The following NDST4 variants were observed in gnomAD, a reference collection of about 807,000 sequenced individuals.
NDST4 encodes the protein N-deacetylase and N-sulfotransferase 4.
NDST4 carries 63 observed loss-of-function variants against 100.8 expected under a neutral mutation model. That is an observed-to-expected ratio of 0.62 (90% CI 0.51 to 0.77). The LOEUF is 0.77. Ranked by LOEUF, NDST4 falls within the 30% of genes least tolerant of loss-of-function variation. The probability of loss-of-function intolerance (pLI) is 0.00; values close to 1 mark genes in which losing one functional copy is unlikely to be tolerated. For synonymous variants in NDST4, 377 were observed against 361.8 expected (o/e 1.04, Z -0.48); for missense variants, 943 against 1,018.4 (o/e 0.93, Z 1.01).
intron 6 of NDST4, among the ~76,000 whole-genome samples, chr4:114,882,802 T>C (rs1360894926): frequency 6.6e-6 from 1 of 151,206 alleles, no homozygotes; most frequent in African/African-American, 2.4e-5. Context: ...CAAACAAACA[T>C]ACAGAAACAA....
In NDST4 at chr4:114,845,885, G is replaced by C; in HGVS notation, c.2053C>G (p.Pro685Ala). Reference protein sequence around the residue: ...EAPRRAASLVPKAKIITILID... With the variant: ...EAPRRAASLVAKAKIITILID... ...AGGATGGTGATGATCTTGGCTTTGG[G>C]GACAAGAGATGCGGCTCGTCTTGGA... The change falls in exon 10 of 14, where the codon CCC becomes GCC. Residue 685 changes from proline (P) to alanine (A), a missense_variant. Physicochemically the swap from Pro to Ala is conservative, Grantham distance 27. Transcript: ENST00000264363. 6.2e-7 allele frequency: 1 copy of C among 1,614,018 alleles called. No homozygotes were observed. The highest frequency in any genetic ancestry group is 8.5e-7 in the Non-Finnish European group (1 of 1,179,976).
intron 7 of NDST4, among the ~76,000 whole-genome samples, chr4:114,867,185 T>C (rs1487790872): frequency 6.6e-6 from 1 of 152,174 alleles, no homozygotes; most frequent in Non-Finnish European, 1.5e-5. Context: ...CAATCTTTAA[T>C]TCTCTGTGTC....
chr4:115,107,136 G>A (rs552879610), intron 1 of NDST4, among the ~76,000 whole-genome samples: 4 of 152,130 alleles, frequency 2.6e-5, no homozygotes, highest in African/African-American at 9.6e-5. Flanking sequence ...CACCCTGGGT[G>A]CCAGACAGTG....
chr4:115,012,501 A>G (rs1727571367), intron 2 of NDST4, among the ~76,000 whole-genome samples: 1 of 152,028 alleles, frequency 6.6e-6, no homozygotes, highest in Non-Finnish European at 1.5e-5. Context: ...GAATTTACTT[A>G]CCCAAATTAA....
intron 1 of NDST4, among the ~76,000 whole-genome samples, chr4:115,097,478 G>A (rs750061455): frequency 1.9e-4 from 29 of 151,766 alleles, no homozygotes; most frequent in Admixed American, 4.6e-4. Context: ...TTTCTTTCCC[G>A]TCAGACATAC....
At chr4:114,967,944 A>G (rs1184345507) in intron 4 of NDST4, among the ~76,000 whole-genome samples, 2 of 152,172 alleles carry the variant, frequency 1.3e-5, no homozygotes, top group East Asian at 1.9e-4. Flanking sequence ...TCCATGAGGT[A>G]GTTGTTACCA....
At chr4:115,017,559 C>T (rs1470004306) in intron 2 of NDST4, among the ~76,000 whole-genome samples, 1 of 151,998 alleles carries the variant, frequency 6.6e-6, no homozygotes, top group Admixed American at 6.6e-5. Context: ...TCTTAGACAC[C>T]TTGAAGGTCA....
chr4:114,868,002 G>A (rs1724070850), intron 7 of NDST4, among the ~76,000 whole-genome samples: 1 of 152,092 alleles, frequency 6.6e-6, no homozygotes, highest in Admixed American at 6.6e-5. Context: ...CACATACATG[G>A]TAGTTGGTGC....
chr4:114,884,223 A>T (rs1213303651), intron 6 of NDST4, among the ~76,000 whole-genome samples: 1 of 152,134 alleles, frequency 6.6e-6, no homozygotes, highest in Non-Finnish European at 1.5e-5. Context: ...TATTGAACTT[A>T]AACACACTCA....
intron 1 of NDST4, among the ~76,000 whole-genome samples, chr4:115,083,633 T>TC (rs1212295934): frequency 2.6e-5 from 4 of 152,146 alleles, no homozygotes; most frequent in Non-Finnish European, 4.4e-5. Flanking sequence ...GTTCCCATAA[T>TC]CCCCATGTGT....
At chr4:115,024,111 A>G (rs1271307425) in intron 2 of NDST4, among the ~76,000 whole-genome samples, 2 of 152,172 alleles carry the variant, frequency 1.3e-5, no homozygotes, top group East Asian at 3.9e-4. Context: ...TTAGGAGCCC[A>G]GGCAGACCTC....
intron 1 of NDST4, among the ~76,000 whole-genome samples, chr4:115,095,165 C>T (rs1016661185): frequency 2.6e-5 from 4 of 151,866 alleles, no homozygotes; most frequent in African/African-American, 9.7e-5. Context: ...CAAACAGGAG[C>T]CTCACAACTT....
Position 114,935,266 on chromosome 4 carries a change from G to C in NDST4, c.1476C>G (p.Pro492=). The change falls in exon 6 of 14, where the codon CCC becomes CCG. Residue 492 remains proline (P), a synonymous_variant. Coordinates refer to ENST00000264363, the MANE Select transcript of NDST4 (RefSeq NM_022569.3). ...TIFYKEYPGG[P]QELDKSIRGG... is the part of the protein sequence containing the mutation. ...CTCTGATACTTTTATCCAGTTCTTG[G>C]GGTCCTCCTGGATATTCTTTGTAGA... 1 of 1,610,944 alleles carries C rather than the reference G, an allele frequency of 6.2e-7. No homozygotes were observed. The highest frequency in any genetic ancestry group is 8.5e-7 in the Non-Finnish European group (1 of 1,178,556).
chr4:114,990,516 G>A (rs1727013810), intron 2 of NDST4, among the ~76,000 whole-genome samples: 1 of 151,840 alleles, frequency 6.6e-6, no homozygotes, highest in South Asian at 2.1e-4. Flanking sequence ...GTTTGACATT[G>A]CAAATATCTC....
At chr4:115,027,315 T>G (rs1202269094) in intron 2 of NDST4, among the ~76,000 whole-genome samples, 1 of 152,150 alleles carries the variant, frequency 6.6e-6, no homozygotes, top group East Asian at 1.9e-4. Context: ...TCTCAGCCTC[T>G]CTATTAAAAC....
At position 114,929,100 on chromosome 4, in the gene NDST4, CCA is replaced by C. The variant is rs1560817049; in HGVS notation, c.1536+6104_1536+6105del. Among the ~76,000 whole-genome samples the C allele has an allele frequency of 8.2e-3, 1,108 of 134,400 alleles. 27 individuals carry two copies. Among genetic ancestry groups the C allele is most frequent in the African/African-American group, 0.028 (1,010 of 36,372 alleles). 88.2% of individuals were successfully genotyped at this position (134,400 alleles called of 152,430 possible). ...TCCATCCATCCATCCATCCATCCATCCATCCATCCATCCATCTATCTATCTAT... is the reference window on the plus strand; with the variant it reads ...TCCATCCATCCATCCATCCATCCATCTCCATCCATCCATCTATCTATCTAT... On this transcript the variant is annotated intron_variant, in intron 6 of 13. Coordinates refer to ENST00000264363, the MANE Select transcript of NDST4 (RefSeq NM_022569.3).
chr4:114,955,698 TA>T (rs977294422), intron 4 of NDST4, among the ~76,000 whole-genome samples: 1 of 152,082 alleles, frequency 6.6e-6, no homozygotes, highest in African/African-American at 2.4e-5. Context: ...TTAAAAACAT[TA>T]AAAATATCTG....
chr4:114,951,427 A>G (rs1725987847), intron 4 of NDST4, among the ~76,000 whole-genome samples: 1 of 152,012 alleles, frequency 6.6e-6, no homozygotes, highest in Non-Finnish European at 1.5e-5. Flanking sequence ...TTATTTGGCT[A>G]TTTCATGCAT....
intron 2 of NDST4, among the ~76,000 whole-genome samples, chr4:115,070,380 T>C (rs563987486): frequency 1.3e-4 from 20 of 152,000 alleles, no homozygotes; most frequent in Admixed American, 5.9e-4. Context: ...CATGGACACA[T>C]AGAAGGGAAT....
Sources: allele counts gnomAD v4.1 joint callset (sites outside exome capture counted in the v4.1 genomes callset), GRCh38; gene constraint gnomAD v4.1.1; transcripts MANE v1.5; gene names NCBI Gene and HGNC (gene_info 2026-07-23, HGNC 2026-07-21).